MX1: variants seen among roughly 807,000 people sequenced by gnomAD.
MX1 encodes the protein MX dynamin like GTPase 1.
In MX1, 66 loss-of-function variants were observed where a neutral mutation model predicts 66.4. The observed-to-expected ratio is 0.99, with a 90% CI of 0.82 to 1.22. The LOEUF (loss-of-function observed/expected upper bound fraction) is 1.22. MX1 is among the 50% of genes most tolerant of loss of function. MX1 has a pLI of 0.00. For missense variants in MX1, 787 were observed against 834.3 expected (o/e 0.94, Z 0.70); for synonymous variants, 311 against 318.1 (o/e 0.98, Z 0.24).
At chr21:41,452,983 C>T in intron 16 of MX1, 114 bp downstream of exon 16, 3 of 1,261,454 alleles carry the variant, frequency 2.4e-6, no homozygotes, top group Non-Finnish European at 3.3e-6. Flanking sequence ...CTGTCGTTTA[C>T]CTCCTTGTTA....
At position 41,457,253 on chromosome 21, in the gene MX1, C is replaced by T. The variant is rs1048606828; in HGVS notation, c.1759-1275C>T. The stretch of plus-strand genomic sequence containing the variant: ...AGACCTCTGCGATTTCTGTTGCAGA[C>T]GATCTACATTTTGTCATTTGCTTTG... On this transcript the variant is annotated intron_variant, in intron 16 of 16. Coordinates refer to ENST00000398598, the MANE Select transcript of MX1 (RefSeq NM_002462.5). Among the ~76,000 whole-genome samples, 10 of 152,194 alleles carry T rather than the reference C, an allele frequency of 6.6e-5. No homozygotes were observed. The East Asian group carries it at 7.7e-4, about 12-fold the overall frequency.
At chr21:41,439,165 G>A (rs899587306) in intron 7 of MX1, among the ~76,000 whole-genome samples, 1 of 151,420 alleles carries the variant, frequency 6.6e-6, no homozygotes, top group African/African-American at 2.4e-5. Flanking sequence ...GTAAAGTGGT[G>A]TTAGCCAACA....
chr21:41,452,775 A>G lies in MX1; in HGVS notation c.1664A>G (p.Lys555Arg), dbSNP rs750604143. Residue 555 changes from lysine (K) to arginine (R), a missense_variant, in exon 16 of 17, where the codon AAG becomes AGG. Transcript: ENST00000398598. Reference sequence around the variant, plus strand: ...GAGAAGGAGCTGGAAGAAGAAAAGAAGAAGAAATCCTGGGATTTTGGGGCT... The same window carrying G: ...GAGAAGGAGCTGGAAGAAGAAAAGAGGAAGAAATCCTGGGATTTTGGGGCT... The part of the protein sequence containing the change: ...VREKELEEEK[K>R]KKSWDFGAFQ... 1.2e-6 allele frequency: 2 copies of G among 1,614,200 alleles called. No homozygotes were observed. Among genetic ancestry groups the G allele is most frequent in the Admixed American group, 1.7e-5 (1 of 60,032 alleles).
At chr21:41,445,847 T>A (rs774505491) in intron 12 of MX1, 153 bp from the exon 13 acceptor site, 2 of 1,024,330 alleles carry the variant, frequency 2.0e-6, no homozygotes, top group Non-Finnish European at 2.8e-6. Context: ...TAGGATTTTC[T>A]AGTGCCAAAA....
rs35138081 is a variant in MX1 at position 41,454,170 on chromosome 21, C to T, written c.1758+1301C>T. 1.7e-3 allele frequency among the ~76,000 whole-genome samples: 262 copies of T among 152,072 alleles called. 3 individuals are homozygous for T. Among genetic ancestry groups the T allele is most frequent in the Non-Finnish European group, 2.9e-3 (199 of 67,998 alleles). ...TTACAGCCGTTTCAAAATATGTCCACAAAATATATTTTTAGGTAAAATATT... is the reference window on the plus strand; with the variant it reads ...TTACAGCCGTTTCAAAATATGTCCATAAAATATATTTTTAGGTAAAATATT... On this transcript the variant is annotated intron_variant, in intron 16 of 16. Transcript: ENST00000398598.
chr21:41,443,962 C>T (rs915116211), intron 11 of MX1, 96 bp downstream of exon 11: 35 of 1,146,508 alleles, frequency 3.1e-5, no homozygotes, highest in Non-Finnish European at 4.4e-5. Context: ...ACACACAGAT[C>T]TTCTGAGGAT....
intron 11 of MX1, among the ~76,000 whole-genome samples, chr21:41,444,525 C>G (rs1297533563): frequency 6.6e-6 from 1 of 151,810 alleles, no homozygotes; most frequent in East Asian, 1.9e-4. Flanking sequence ...CAGGGTTTCA[C>G]CATGTTGACC....
rs769923745 is a variant in MX1 at position 41,435,866 on chromosome 21, TGAG to T, written c.139_141del (p.Glu47del). On this transcript the variant is annotated inframe_deletion, in exon 6 of 17. Transcript: ENST00000398598. ...CTGAGAACAACCTGTGCAGCCAGTA[TGAG>T]GAGAAGGTGCGCCCCTGCATCGACC... 6 of 1,612,784 alleles carry T rather than the reference TGAG, an allele frequency of 3.7e-6. No individual in the cohort carries two copies. Among genetic ancestry groups the T allele is most frequent in the Middle Eastern group, 1.7e-4 (1 of 6,054 alleles).
chr21:41,422,831 G>A (rs457920), upstream of MX1: 6,538 of 152,206 alleles, frequency 0.043, 408 homozygotes, highest in East Asian at 0.29. Flanking sequence ...TACCAATATG[G>A]AACCCAGCTC....
At chr21:41,457,296 G>A (rs1037124676) in intron 16 of MX1, among the ~76,000 whole-genome samples, 2 of 152,112 alleles carry the variant, frequency 1.3e-5, no homozygotes, top group Non-Finnish European at 2.9e-5. Flanking sequence ...TGTCTATGGT[G>A]GTTTTAGACT....
At chr21:41,438,698 A>T (rs939194300) in intron 7 of MX1, among the ~76,000 whole-genome samples, 17 of 152,228 alleles carry the variant, frequency 1.1e-4, no homozygotes, top group African/African-American at 3.6e-4. Flanking sequence ...TAGCGTGCAT[A>T]CAGGGATGGA....
At chr21:41,447,800 G>A (rs2090706539) in intron 13 of MX1, among the ~76,000 whole-genome samples, 2 of 152,030 alleles carry the variant, frequency 1.3e-5, no homozygotes, top group Admixed American at 1.3e-4. Flanking sequence ...CAGTGGCTCA[G>A]TCTCGGCTCA....
chr21:41,436,231 C>T (rs2090358444), intron 6 of MX1, among the ~76,000 whole-genome samples: 1 of 152,244 alleles, frequency 6.6e-6, no homozygotes, highest in Non-Finnish European at 1.5e-5. Flanking sequence ...GCCTTCCTTC[C>T]ACACACAAGC....
At chr21:41,420,757 C>T (rs1242173547) in exon 1 of MX1, 2 of 152,414 alleles carry the variant, frequency 1.3e-5, no homozygotes, top group East Asian at 3.9e-4. Flanking sequence ...CAGCGTGGGC[C>T]TGGGGTTGCC....
At chr21:41,427,965 G>T (rs1248392187) in intron 3 of MX1, 99 bp downstream of exon 3, 1 of 152,202 alleles carries the variant, frequency 6.6e-6, no homozygotes, top group Non-Finnish European at 1.5e-5. Flanking sequence ...GAGTGCAGTG[G>T]CGCCATCTCA....
At chr21:41,432,591 A>G (rs905285458) in intron 5 of MX1, among the ~76,000 whole-genome samples, 1 of 152,118 alleles carries the variant, frequency 6.6e-6, no homozygotes, top group African/African-American at 2.4e-5. Flanking sequence ...ATCAAGACAT[A>G]TTTTTGGTGG....
At chr21:41,444,701 TC>T (rs1464145153) in intron 11 of MX1, among the ~76,000 whole-genome samples, 3 of 152,076 alleles carry the variant, frequency 2.0e-5, no homozygotes, top group African/African-American at 7.2e-5. Flanking sequence ...CTTATTAGAT[TC>T]CCCACCTCGA....
intron 5 of MX1, 46 bp from the exon 6 acceptor site, chr21:41,435,791 C>T (rs756196830): frequency 1.3e-6 from 2 of 1,573,240 alleles, no homozygotes; most frequent in Admixed American, 1.7e-5. Flanking sequence ...ATATCATGAG[C>T]ATGATTTGCA....
Position 41,435,875 on chromosome 21 carries a change from G to A in MX1, c.144G>A (p.Lys48=). Residue 48 remains lysine, a synonymous_variant, in exon 6 of 17, where the codon AAG becomes AAA. Transcript: ENST00000398598. The part of the protein sequence containing the change: ...ENNLCSQYEE[K]VRPCIDLIDS... ...ACCTGTGCAGCCAGTATGAGGAGAAGGTGCGCCCCTGCATCGACCTCATTG... is the reference window on the plus strand; with the variant it reads ...ACCTGTGCAGCCAGTATGAGGAGAAAGTGCGCCCCTGCATCGACCTCATTG... The A allele has an allele frequency of 6.2e-7, 1 of 1,613,392 alleles. No homozygotes were observed. Among genetic ancestry groups the A allele is most frequent in the Non-Finnish European group, 8.5e-7 (1 of 1,179,346 alleles).
Sources: gnomAD v4.1 joint callset for allele counts (sites outside exome capture counted in the v4.1 genomes callset) on GRCh38, gnomAD v4.1.1 for gene constraint, MANE v1.5 for transcripts, NCBI Gene and HGNC (gene_info 2026-07-23, HGNC 2026-07-21) for gene names.